TANC2: variants seen among roughly 807,000 people sequenced by gnomAD.
TANC2 encodes the protein protein TANC2.
TANC2 carries 26 observed loss-of-function variants against 210.5 expected under a neutral mutation model. The ratio of observed to expected loss-of-function variants is 0.12; its 90% CI spans 0.09 to 0.17. The LOEUF (loss-of-function observed/expected upper bound fraction) is 0.17. Ranked by LOEUF, TANC2 falls within the 10% of genes least tolerant of loss-of-function variation. TANC2 has a pLI of 1.00. For missense variants in TANC2, 2,129 were observed against 2,608.9 expected, an observed-to-expected ratio of 0.82 and a Z score of 4.01; for synonymous variants, 931 against 967.1, an observed-to-expected ratio of 0.96 and a Z score of 0.69.
intron 9 of TANC2, chr17:63,313,670 C>T (rs1347456915): frequency 6.6e-6 from 1 of 152,254 alleles, no homozygotes; most frequent in Non-Finnish European, 1.5e-5. Flanking sequence ...TTCTGCTCGA[C>T]TGCTTAGAAT....
At chr17:63,193,780 C>T in intron 5 of TANC2, 1 of 481,156 alleles carries the variant, frequency 2.1e-6, no homozygotes, top group Non-Finnish European at 3.4e-6. Flanking sequence ...TTTGAGTTCC[C>T]TGGCTCATTT....
chr17:63,403,004 A>G (rs1413149320), intron 19 of TANC2, among the ~76,000 whole-genome samples: 1 of 152,228 alleles, frequency 6.6e-6, no homozygotes, highest in Non-Finnish European at 1.5e-5. Context: ...GTTGCTGCCA[A>G]ATGACATCAT....
chr17:63,055,984 AAAAAAAATATATATATATATATATAT>A (rs1408106710), intron 2 of TANC2, among the ~76,000 whole-genome samples: 7 of 17,292 alleles, frequency 4.0e-4, no homozygotes, highest in Admixed American at 1.1e-3. Flanking sequence ...AAAAAAAAAA[AAAAAAAATATATATATATATATATAT>A]ATATATATAT....
intron 5 of TANC2, among the ~76,000 whole-genome samples, chr17:63,177,994 A>G (rs575925331): frequency 2.3e-4 from 35 of 152,276 alleles, no homozygotes; most frequent in Admixed American, 1.3e-3. Flanking sequence ...TCCCTCTTCT[A>G]TTATGCTCAA....
chr17:63,277,285 T>G (rs938358355), intron 9 of TANC2, among the ~76,000 whole-genome samples: 2 of 151,984 alleles, frequency 1.3e-5, no homozygotes, highest in East Asian at 3.9e-4. Context: ...CTTCTTTTTT[T>G]TTTTTTTTAA....
intron 3 of TANC2, among the ~76,000 whole-genome samples, chr17:63,075,689 T>G (rs1014429390): frequency 1.8e-4 from 28 of 152,214 alleles, no homozygotes; most frequent in African/African-American, 6.5e-4. Context: ...CGGCTTTTTT[T>G]GTATTTTTAG....
intron 4 of TANC2, among the ~76,000 whole-genome samples, chr17:63,134,787 G>GT (rs1258640283): frequency 2.6e-5 from 4 of 152,092 alleles, no homozygotes; most frequent in Non-Finnish European, 4.4e-5. Flanking sequence ...CAGTTACTGT[G>GT]TTTTTTACTT....
chr17:63,007,382 A>G (rs551897782), intron 1 of TANC2, among the ~76,000 whole-genome samples: 2 of 152,268 alleles, frequency 1.3e-5, no homozygotes, highest in South Asian at 2.1e-4. Context: ...TTTGAATGGT[A>G]TATCTTTTCC....
chr17:63,253,598 A>AT (rs904341479), intron 8 of TANC2, among the ~76,000 whole-genome samples: 1 of 151,986 alleles, frequency 6.6e-6, no homozygotes, highest in Non-Finnish European at 1.5e-5. Flanking sequence ...TTTTTAATCC[A>AT]TTTTTATTTG....
At chr17:63,219,395 A>C (rs1190897384) in intron 7 of TANC2, among the ~76,000 whole-genome samples, 1 of 151,660 alleles carries the variant, frequency 6.6e-6, no homozygotes, top group Non-Finnish European at 1.5e-5. Context: ...GATGTTGCCT[A>C]CTGGCCCACA....
chr17:63,275,957 C>G (rs1187511392), intron 9 of TANC2, among the ~76,000 whole-genome samples: 1 of 152,062 alleles, frequency 6.6e-6, no homozygotes, highest in East Asian at 1.9e-4. Context: ...ATGTTTTGAT[C>G]TAAATTAAAG....
At chr17:63,389,377 A>G (rs774444805) in exon 17 of TANC2, 16 of 1,613,868 alleles carry the variant, frequency 9.9e-6, no homozygotes, top group Admixed American at 3.3e-5. Flanking sequence ...TAATGCTCCA[A>G]TTCTATGTGT....
chr17:63,419,791 T>G (rs2048967842), intron 27 of TANC2, among the ~76,000 whole-genome samples: 1 of 152,130 alleles, frequency 6.6e-6, no homozygotes, highest in Admixed American at 6.5e-5. Context: ...AGAAGGAAGA[T>G]GGAGGCCGAA....
intron 12 of TANC2, among the ~76,000 whole-genome samples, chr17:63,340,673 G>A (rs1317389579): frequency 1.3e-5 from 2 of 151,990 alleles, no homozygotes; most frequent in African/African-American, 4.8e-5. Flanking sequence ...AAGTTTCTAT[G>A]GTTAGAAATC....
chr17:63,231,246 A>G (rs547762152), intron 7 of TANC2, among the ~76,000 whole-genome samples: 7 of 152,258 alleles, frequency 4.6e-5, no homozygotes, highest in African/African-American at 1.4e-4. Flanking sequence ...TGGGCCATTT[A>G]GTCCATTTAC....
chr17:63,072,743 G>A (rs1398226764), intron 2 of TANC2, among the ~76,000 whole-genome samples: 1 of 151,882 alleles, frequency 6.6e-6, no homozygotes, highest in East Asian at 1.9e-4. Context: ...ATTTGGAATC[G>A]ATTGATTAAA....
chr17:63,226,613 A>T (rs2042334733), intron 7 of TANC2, among the ~76,000 whole-genome samples: 1 of 152,186 alleles, frequency 6.6e-6, no homozygotes, highest in Non-Finnish European at 1.5e-5. Flanking sequence ...TTAATTTTTT[A>T]AAAATTTCCA....
rs1330783455 is a variant in TANC2, at chr17:63,420,367, CTCA to C, written c.4641_4643del (p.His1547del). ...TACATCTCCAGCTCACCTCTTGGCT[CTCA>C]TCAGGTTTTTGACTTCCGGTCCAGT... On this transcript the variant is annotated inframe_deletion, in exon 28 of 28. Transcript: ENST00000689528. This position sits in a 1 kb window ranked among gnomAD's most constrained non-coding sequence, Gnocchi z 4.2. 1 of 1,613,970 alleles carries C rather than the reference CTCA, an allele frequency of 6.2e-7. No individual in the cohort carries two copies. Among genetic ancestry groups the C allele is most frequent in the Non-Finnish European group, 8.5e-7 (1 of 1,179,896 alleles).
rs1335611385 is a variant in TANC2, at chr17:63,406,145, C to T, written c.3466-9C>T. The T allele has an allele frequency of 3.1e-6, 5 of 1,613,644 alleles. No individual in the cohort carries two copies. The highest frequency in any genetic ancestry group is 4.2e-6 in the Non-Finnish European group (5 of 1,179,654). ...GGGCTAATTGGTCCCTGTTTCTCTG[C>T]ACTTGCAGATTGTTGATCTTTTACT... On this transcript the variant is annotated splice_polypyrimidine_tract_variant and intron_variant, in intron 20 of 27. Transcript: ENST00000689528.
Sources: gnomAD v4.1 joint callset for allele counts (sites outside exome capture counted in the v4.1 genomes callset) on GRCh38, gnomAD v4.1.1 for gene constraint, Gnocchi (gnomAD v3.1) non-coding constraint, MANE v1.5 for transcripts, NCBI Gene and HGNC (gene_info 2026-07-23, HGNC 2026-07-21) for gene names.